MCC: variants seen among roughly 807,000 people sequenced by gnomAD.
MCC encodes the protein colorectal mutant cancer protein.
A neutral mutation model predicts 116.2 loss-of-function variants in MCC; 90 were observed. The ratio of observed to expected loss-of-function variants is 0.77; its 90% CI spans 0.65 to 0.92. The LOEUF (loss-of-function observed/expected upper bound fraction) is 0.92. MCC is among the 40% of genes least tolerant of loss of function. The probability of loss-of-function intolerance (pLI) is 0.00; values close to 1 mark genes in which losing one functional copy is unlikely to be tolerated. For synonymous variants in MCC, 578 were observed against 510.5 expected (o/e 1.13, Z -1.78); for missense variants, 1,516 against 1,312.2 (o/e 1.16, Z -2.40).
intron 3 of MCC, among the ~76,000 whole-genome samples, chr5:113,197,666 AG>A: frequency 6.6e-6 from 1 of 152,308 alleles, no homozygotes. Flanking sequence ...CTTACTATGT[AG>A]GGGGCCCTAT....
intron 8 of MCC, among the ~76,000 whole-genome samples, chr5:113,093,633 G>A (rs1755799899): frequency 6.6e-6 from 1 of 152,074 alleles, no homozygotes; most frequent in South Asian, 2.1e-4. Context: ...CAAAGTGGTA[G>A]GAAATTCCTT....
At chr5:113,322,706 T>A (rs931779928) in intron 3 of MCC, among the ~76,000 whole-genome samples, 4 of 152,180 alleles carry the variant, frequency 2.6e-5, no homozygotes, top group African/African-American at 9.7e-5. Context: ...TTACTGAGCA[T>A]CAACTATATA....
chr5:113,384,848 A>G (rs371405338), intron 2 of MCC, 120 bp downstream of exon 2: 5 of 1,146,010 alleles, frequency 4.4e-6, no homozygotes, highest in East Asian at 4.7e-5. Context: ...TGTGGCCAGG[A>G]GGGCAGCCTC....
intron 5 of MCC, among the ~76,000 whole-genome samples, chr5:113,124,209 T>G (rs977236977): frequency 1.3e-5 from 2 of 152,252 alleles, no homozygotes; most frequent in Non-Finnish European, 2.9e-5. Flanking sequence ...GCTAATGTTC[T>G]ATGAATAAGT....
intron 3 of MCC, among the ~76,000 whole-genome samples, chr5:113,183,208 C>A (rs1486541094): frequency 2.0e-5 from 3 of 152,138 alleles, no homozygotes; most frequent in Non-Finnish European, 2.9e-5. Context: ...CTCCCTTATA[C>A]TCCTAAGACA....
intron 3 of MCC, among the ~76,000 whole-genome samples, chr5:113,250,875 G>C (rs1764774985): frequency 3.9e-5 from 6 of 152,158 alleles, no homozygotes; most frequent in Admixed American, 3.9e-4. Flanking sequence ...AACTCCCTAG[G>C]ATAGCCTTAG....
At chr5:113,123,008 C>G (rs1485713476) in intron 5 of MCC, among the ~76,000 whole-genome samples, 182 bp from the exon 6 acceptor site, 2 of 152,190 alleles carry the variant, frequency 1.3e-5, no homozygotes, top group African/African-American at 4.8e-5. Context: ...GTGAGTGAAG[C>G]TGAAAGGTTG....
At chr5:113,417,267 A>G (rs1770178180) in intron 1 of MCC, among the ~76,000 whole-genome samples, 1 of 152,166 alleles carries the variant, frequency 6.6e-6, no homozygotes, top group African/African-American at 2.4e-5. Context: ...CGCACCCAGC[A>G]GTGAATTGCT....
At chr5:113,280,930 A>T (rs979087603) in intron 3 of MCC, among the ~76,000 whole-genome samples, 2 of 152,150 alleles carry the variant, frequency 1.3e-5, no homozygotes, top group African/African-American at 4.8e-5. Context: ...TGGGAGGTGG[A>T]AGAGCCTAGG....
rs1398897933 is a variant in MCC, at chr5:113,387,020, TCTAA to T, written c.171-1812_171-1809del. Among the ~76,000 whole-genome samples, 7 of 152,220 alleles carry T rather than the reference TCTAA, an allele frequency of 4.6e-5. No individual in the cohort carries two copies. In the East Asian group the frequency reaches 1.4e-3, roughly 29 times the overall value. On this transcript the variant is annotated intron_variant, in intron 1 of 18. Transcript: ENST00000408903. Reference sequence around the variant, plus strand: ...CCATCCCTTAACTTCAGGCTTCACATCTAACTTGCTTTGGCCCCTCGGATATTAC... The same window carrying T: ...CCATCCCTTAACTTCAGGCTTCACATCTTGCTTTGGCCCCTCGGATATTAC...
Position 113,024,669 on chromosome 5 carries a change from T to A in MCC, c.*2633A>T, listed in dbSNP as rs142562314. On this transcript the variant is annotated 3_prime_UTR_variant, in exon 19 of 19. Coordinates refer to ENST00000408903, the MANE Select transcript of MCC (RefSeq NM_001085377.2). ...CATTGTTTACCCTCATTGGAGATGTTTGTTAGAGAAAAATTCAGGTAGCGC... is the reference window on the plus strand; with the variant it reads ...CATTGTTTACCCTCATTGGAGATGTATGTTAGAGAAAAATTCAGGTAGCGC... 5 of 152,258 alleles carry A rather than the reference T, an allele frequency of 3.3e-5. No individual in the cohort carries two copies. The highest frequency in any genetic ancestry group is 3.9e-4 in the East Asian group (2 of 5,182). The allele number at this position is 152,258 out of a possible 1,614,324, so 9.4% of individuals were successfully genotyped here. A position where few individuals can be genotyped will look rare whatever the true frequency, so the allele number is the denominator to read the frequency against.
chr5:113,339,618 T>C (rs1767961828), intron 3 of MCC, among the ~76,000 whole-genome samples: 1 of 152,246 alleles, frequency 6.6e-6, no homozygotes, highest in African/African-American at 2.4e-5. Flanking sequence ...GTTACGTATT[T>C]TGTAGACTGT....
Position 113,447,879 on chromosome 5 carries a change from C to T in MCC, c.170+40366G>A, listed in dbSNP as rs140751575. On this transcript the variant is annotated intron_variant, in intron 1 of 18. Coordinates refer to ENST00000408903, the MANE Select transcript of MCC (RefSeq NM_001085377.2). Reference sequence around the variant, plus strand: ...GAGAGAGCATTTTGAGACAAAGGTCCAGCTGCCTCATTCTTGGGCAGTCAC... The same window carrying T: ...GAGAGAGCATTTTGAGACAAAGGTCTAGCTGCCTCATTCTTGGGCAGTCAC... Among the ~76,000 whole-genome samples, 128 of 152,188 alleles carry T rather than the reference C, an allele frequency of 8.4e-4. 1 individual carries two copies. Among genetic ancestry groups the T allele is most frequent in the African/African-American group, 3.0e-3 (123 of 41,532 alleles).
At chr5:113,401,797 A>G (rs1367174298) in intron 1 of MCC, among the ~76,000 whole-genome samples, 1 of 151,338 alleles carries the variant, frequency 6.6e-6, no homozygotes, top group Non-Finnish European at 1.5e-5. Flanking sequence ...ATTCTCCTCT[A>G]GAAGTTAAAA....
At position 113,488,224 on chromosome 5, in the gene MCC, T is replaced by G. The variant is rs201124708; in HGVS notation, c.170+21A>C. The G allele has an allele frequency of 2.9e-4, 466 of 1,579,924 alleles. 2 individuals are homozygous for G. The East Asian group carries it at 0.012, about 40-fold the overall frequency. On this transcript the variant is annotated intron_variant, in intron 1 of 18. Transcript: ENST00000408903. ...GGGACTGATCTCGCTCCTGTCGGTT[T>G]CCTCGTACCTCCCCGCGTACCTGCT...
intron 1 of MCC, among the ~76,000 whole-genome samples, chr5:113,458,313 G>A (rs1198909665): frequency 6.6e-6 from 1 of 151,608 alleles, no homozygotes; most frequent in African/African-American, 2.4e-5. Flanking sequence ...CGGGAGGAAG[G>A]AACAAACTCC....
At position 113,086,501 on chromosome 5, in the gene MCC, A is replaced by G. The variant is rs150551363; in HGVS notation, c.1399-1191T>C. On this transcript the variant is annotated intron_variant, in intron 8 of 18. Transcript: ENST00000408903. ...TGGAATAGTAGGTAGGAACGTCTAA[A>G]TAGTCCTTCTATATAAAAAAGAAAC... Among the ~76,000 whole-genome samples, 513 of 152,310 alleles carry G rather than the reference A, an allele frequency of 3.4e-3. 3 individuals carry two copies. Among genetic ancestry groups the G allele is most frequent in the African/African-American group, 0.012 (497 of 41,566 alleles).
chr5:113,137,431 T>C (rs1561391051), intron 5 of MCC, among the ~76,000 whole-genome samples: 1 of 152,206 alleles, frequency 6.6e-6, no homozygotes. Context: ...TCAAATGCTT[T>C]TCTGTCATCT....
chr5:113,353,002 T>A (rs977100318), intron 2 of MCC, among the ~76,000 whole-genome samples: 1 of 152,186 alleles, frequency 6.6e-6, no homozygotes, highest in Admixed American at 6.5e-5. Context: ...TGGCTTTTCA[T>A]ATGCCTGTTC....
Sources: allele counts gnomAD v4.1 joint callset (sites outside exome capture counted in the v4.1 genomes callset), GRCh38; gene constraint gnomAD v4.1.1; transcripts MANE v1.5; gene names NCBI Gene and HGNC (gene_info 2026-07-23, HGNC 2026-07-21).